The following SORCS3 variants were observed in gnomAD, a reference collection of about 807,000 sequenced individuals.
SORCS3 encodes VPS10 domain-containing receptor SorCS3.
Under a neutral mutation model 146.3 loss-of-function variants are expected in SORCS3, and 57 were observed. The observed-to-expected ratio is 0.39, with a 90% CI of 0.31 to 0.49. SORCS3 has a LOEUF of 0.49. SORCS3 is among the 20% of genes least tolerant of loss of function. The pLI is 0.92. For synonymous variants in SORCS3, 653 were observed against 618.5 expected (o/e 1.06, Z -0.83); for missense variants, 1,341 against 1,575.5 (o/e 0.85, Z 2.52).
chr10:104,902,150 T>G (rs916004328), intron 2 of SORCS3, among the ~76,000 whole-genome samples: 1 of 152,204 alleles, frequency 6.6e-6, no homozygotes, highest in Non-Finnish European at 1.5e-5. Flanking sequence ...AGAAACCCAA[T>G]CAACCATAAC....
chr10:105,072,865 A>G (rs1219961520), intron 5 of SORCS3, among the ~76,000 whole-genome samples: 1 of 151,998 alleles, frequency 6.6e-6, no homozygotes, highest in African/African-American at 2.4e-5. Context: ...GACCACAAAC[A>G]CTGATGGCAG....
intron 2 of SORCS3, among the ~76,000 whole-genome samples, chr10:104,871,608 A>G (rs1276813383): frequency 6.6e-6 from 1 of 152,124 alleles, no homozygotes; most frequent in East Asian, 1.9e-4. Context: ...TCTTATGGAG[A>G]GTAATTATTC....
chr10:104,916,633 T>C (rs2019031099), intron 3 of SORCS3, among the ~76,000 whole-genome samples: 1 of 152,162 alleles, frequency 6.6e-6, no homozygotes, highest in Non-Finnish European at 1.5e-5. Flanking sequence ...TACTGCACCA[T>C]GTATTATCTT....
chr10:105,257,506 G>T (rs1409988116), intron 25 of SORCS3, among the ~76,000 whole-genome samples: 1 of 152,106 alleles, frequency 6.6e-6, no homozygotes, highest in Non-Finnish European at 1.5e-5. Flanking sequence ...AGCCACAGAA[G>T]GGGTGGTATA....
At chr10:104,795,221 A>G (rs559040926) in intron 1 of SORCS3, among the ~76,000 whole-genome samples, 2 of 152,212 alleles carry the variant, frequency 1.3e-5, no homozygotes, top group South Asian at 4.1e-4. Context: ...TAACGAAGTC[A>G]TCAGATGGTT....
At chr10:104,642,004 G>T in intron 1 of SORCS3, 50 bp downstream of exon 1, 1 of 940,510 alleles carries the variant, frequency 1.1e-6, no homozygotes, top group Non-Finnish European at 1.4e-6. Flanking sequence ...CACCGAAGGG[G>T]AATGGGGGGG....
intron 2 of SORCS3, among the ~76,000 whole-genome samples, chr10:104,853,976 C>T (rs1357432766): frequency 1.3e-5 from 2 of 152,154 alleles, no homozygotes; most frequent in African/African-American, 2.4e-5. Context: ...ACCCGAGATT[C>T]GTGCTGTCAG....
intron 2 of SORCS3, among the ~76,000 whole-genome samples, chr10:104,873,920 C>A (rs1488367665): frequency 6.6e-6 from 1 of 152,202 alleles, no homozygotes; most frequent in African/African-American, 2.4e-5. Context: ...AATTGAATTG[C>A]TATCCCATGG....
intron 1 of SORCS3, among the ~76,000 whole-genome samples, chr10:104,804,518 G>C (rs1346256647): frequency 6.6e-6 from 1 of 152,094 alleles, no homozygotes; most frequent in Non-Finnish European, 1.5e-5. Flanking sequence ...GAGTAGGCAG[G>C]GTGGCTATGG....
At chr10:104,702,086 C>T (rs2016286187) in intron 1 of SORCS3, among the ~76,000 whole-genome samples, 1 of 152,136 alleles carries the variant, frequency 6.6e-6, no homozygotes, top group South Asian at 2.1e-4. Flanking sequence ...GCTTTATTTA[C>T]TGAAACAGAT....
intron 20 of SORCS3, among the ~76,000 whole-genome samples, chr10:105,236,213 C>T (rs1396425910): frequency 1.3e-5 from 2 of 152,112 alleles, no homozygotes; most frequent in Non-Finnish European, 2.9e-5. Context: ...AGCTCCCTGT[C>T]TGAGGTGAAC....
chr10:104,987,321 C>CT lies in SORCS3; in HGVS notation c.954+9836dup, dbSNP rs528690280. On this transcript the variant is annotated intron_variant, in intron 4 of 26. Transcript: ENST00000369701. ...AGATGATGGAACTATGTTTGTGGGG[C>CT]TTTTTTTTGCATACCATTTCTTTTC... is the stretch of plus-strand genomic sequence containing the variant. 2.0e-3 allele frequency among the ~76,000 whole-genome samples: 306 copies of CT among 151,658 alleles called. 2 individuals carry two copies. Among genetic ancestry groups the CT allele is most frequent in the African/African-American group, 6.2e-3 (256 of 41,354 alleles).
intron 10 of SORCS3, among the ~76,000 whole-genome samples, chr10:105,158,578 T>C (rs2056232369): frequency 1.3e-5 from 2 of 151,816 alleles, no homozygotes; most frequent in Middle Eastern, 3.4e-3. Context: ...GTAGAAGGAA[T>C]GGTCAAGGAG....
intron 1 of SORCS3, among the ~76,000 whole-genome samples, chr10:104,746,199 C>A (rs11192180): frequency 6.7e-6 from 1 of 149,428 alleles, no homozygotes; most frequent in African/African-American, 2.5e-5. Flanking sequence ...TGCAGTGGTG[C>A]GATCTCGGCT....
chr10:104,870,171 A>C (rs1399927482), intron 2 of SORCS3, among the ~76,000 whole-genome samples: 1 of 152,238 alleles, frequency 6.6e-6, no homozygotes, highest in Non-Finnish European at 1.5e-5. Context: ...ATTTTTTATC[A>C]TGCAGATGAA....
chr10:105,016,155 A>ATATATATATATATATATATTTTTT (rs71482443), intron 4 of SORCS3, among the ~76,000 whole-genome samples: 8 of 101,320 alleles, frequency 7.9e-5, no homozygotes, highest in African/African-American at 3.9e-4. Flanking sequence ...ATATATATAT[A>ATATATATATATATATATATTTTTT]TTTTTTTTTT....
intron 3 of SORCS3, among the ~76,000 whole-genome samples, chr10:104,973,919 GA>G (rs1564725922): frequency 6.6e-6 from 1 of 151,778 alleles, no homozygotes; most frequent in East Asian, 1.9e-4. Flanking sequence ...TGGTTTCAAG[GA>G]ACATCTTTAT....
intron 3 of SORCS3, among the ~76,000 whole-genome samples, chr10:104,943,880 A>G (rs755891621): frequency 3.3e-5 from 5 of 152,180 alleles, no homozygotes; most frequent in Non-Finnish European, 7.3e-5. Flanking sequence ...GGACAGAATA[A>G]AAGTCCAGGA....
In SORCS3 at chr10:105,173,518, T is replaced by C. The variant is rs114075549; in HGVS notation, c.1902-4548T>C. Reference sequence around the variant, plus strand: ...ATAACCTAAATATTTCCATTTTTTTTCCACTATTAATAATCTTCATCCAAG... The same window carrying C: ...ATAACCTAAATATTTCCATTTTTTTCCCACTATTAATAATCTTCATCCAAG... On this transcript the variant is annotated intron_variant, in intron 13 of 26. Transcript: ENST00000369701. Among the ~76,000 whole-genome samples the C allele has an allele frequency of 9.0e-3, 1,377 of 152,282 alleles. 18 individuals carry two copies. Among genetic ancestry groups the C allele is most frequent in the African/African-American group, 0.031 (1,288 of 41,556 alleles).
Sources: allele counts gnomAD v4.1 joint callset (sites outside exome capture counted in the v4.1 genomes callset), GRCh38; gene constraint gnomAD v4.1.1; transcripts MANE v1.5; gene names NCBI Gene and HGNC (gene_info 2026-07-23, HGNC 2026-07-21).